Variants in PSMA8 observed in about 807,000 individuals in gnomAD.
PSMA8 encodes the protein proteasome subunit alpha-type 8.
Under a neutral mutation model 32.4 loss-of-function variants are expected in PSMA8, and 18 were observed. The ratio of observed to expected loss-of-function variants is 0.56; its 90% CI spans 0.38 to 0.82. PSMA8 has a LOEUF of 0.82. Among genes scored for constraint, PSMA8 ranks in the 40% least tolerant of loss-of-function variants. The pLI is 0.00. For missense variants in PSMA8, 298 were observed against 300.7 expected, an observed-to-expected ratio of 0.99 and a Z score of 0.07; for synonymous variants, 104 against 98.1, an observed-to-expected ratio of 1.06 and a Z score of -0.36.
chr18:26,167,721 C>T (rs1444868202), intron 4 of PSMA8, among the ~76,000 whole-genome samples: 39 of 152,170 alleles, frequency 2.6e-4, no homozygotes, highest in Admixed American at 2.6e-3. Context: ...AGAAAGCAGC[C>T]ATCTGCAAGC....
intron 1 of PSMA8, among the ~76,000 whole-genome samples, chr18:26,138,145 GTGGCTAC>G (rs1226198010): frequency 1.3e-5 from 2 of 152,180 alleles, no homozygotes; most frequent in African/African-American, 2.4e-5. Flanking sequence ...GTGTTTTGAT[GTGGCTAC>G]TGTCAGTCTC....
At chr18:26,156,124 G>A (rs1297027981) in intron 3 of PSMA8, among the ~76,000 whole-genome samples, 1 of 152,102 alleles carries the variant, frequency 6.6e-6, no homozygotes, top group Admixed American at 6.6e-5. Flanking sequence ...CCTCAGAATG[G>A]CTATTATCAA....
intron 2 of PSMA8, among the ~76,000 whole-genome samples, chr18:26,149,752 C>G (rs2055030653): frequency 6.6e-6 from 1 of 152,100 alleles, no homozygotes; most frequent in African/African-American, 2.4e-5. Flanking sequence ...TGAAGTAGGA[C>G]TCTACCTAAC....
chr18:26,186,910 A>G (rs1013814934), intron 6 of PSMA8, among the ~76,000 whole-genome samples: 1 of 152,270 alleles, frequency 6.6e-6, no homozygotes, highest in Non-Finnish European at 1.5e-5. Context: ...AGAGGTAAAC[A>G]TTTGGATTAA....
chr18:26,186,082 TAC>T (rs1230762391), intron 6 of PSMA8, among the ~76,000 whole-genome samples: 37 of 145,714 alleles, frequency 2.5e-4, no homozygotes, highest in African/African-American at 8.4e-4. Context: ...CTACTAAAAA[TAC>T]ACACACAAAA....
chr18:26,141,716 T>G (rs1212165009), intron 1 of PSMA8, among the ~76,000 whole-genome samples: 1 of 145,252 alleles, frequency 6.9e-6, no homozygotes, highest in African/African-American at 2.5e-5. Context: ...CTTTTTTCTT[T>G]TTTTTTTTTT....
Position 26,158,036 on chromosome 18 carries a change from G to A in PSMA8, c.355-86G>A, listed in dbSNP as rs144591103. Reference sequence around the variant, plus strand: ...ATGTCGAATAAGAATTAGGGAAGTGGATCATTTGGGCAGCAATGCTTTATT... The same window carrying A: ...ATGTCGAATAAGAATTAGGGAAGTGAATCATTTGGGCAGCAATGCTTTATT... On this transcript the variant is annotated intron_variant, in intron 3 of 6. Transcript: ENST00000415576. 554 of 852,818 alleles carry A rather than the reference G, an allele frequency of 6.5e-4. 3 individuals carry two copies. In the African/African-American group the frequency reaches 8.6e-3, roughly 13 times the overall value. 52.8% of individuals were successfully genotyped at this position (852,818 alleles called of 1,614,324 possible).
At chr18:26,151,089 T>G (rs2055042025) in intron 2 of PSMA8, among the ~76,000 whole-genome samples, 1 of 152,222 alleles carries the variant, frequency 6.6e-6, no homozygotes, top group Non-Finnish European at 1.5e-5. Flanking sequence ...TCATATTAAC[T>G]ATCTTCAGGG....
At position 26,165,532 on chromosome 18, in the gene PSMA8, G is replaced by A. The variant is rs76430930; in HGVS notation, c.477+7288G>A. 3.3e-3 allele frequency among the ~76,000 whole-genome samples: 496 copies of A among 152,178 alleles called. 4 individuals are homozygous for A. The highest frequency in any genetic ancestry group is 0.01 in the African/African-American group (435 of 41,514). On this transcript the variant is annotated intron_variant, in intron 4 of 6. Transcript: ENST00000415576. ...TGGCTATAAACAGGAGCAGACAAAC[G>A]AACAGTAGCTAGAGGAGAATATAGG...
At chr18:26,159,595 A>T (rs958391896) in intron 4 of PSMA8, among the ~76,000 whole-genome samples, 1 of 151,854 alleles carries the variant, frequency 6.6e-6, no homozygotes, top group Non-Finnish European at 1.5e-5. Context: ...TTGTTTCTAT[A>T]TCGTAACACA....
At chr18:26,170,898 C>A in intron 4 of PSMA8, 1 of 1,559,234 alleles carries the variant, frequency 6.4e-7, no homozygotes, top group Non-Finnish European at 8.5e-7. Context: ...TTTAAGATGG[C>A]CTGGGTGATT....
intron 1 of PSMA8, among the ~76,000 whole-genome samples, chr18:26,141,961 C>T (rs2054961086): frequency 6.6e-6 from 1 of 151,696 alleles, no homozygotes; most frequent in South Asian, 2.1e-4. Flanking sequence ...GCTGGGATTA[C>T]AGGCATGAGC....
At chr18:26,189,464 T>C (rs1225891496) in intron 6 of PSMA8, among the ~76,000 whole-genome samples, 1 of 151,312 alleles carries the variant, frequency 6.6e-6, no homozygotes, top group Non-Finnish European at 1.5e-5. Flanking sequence ...ACCTGGGAGG[T>C]CAAGGCTGCA....
At chr18:26,167,727 C>T (rs9957118) in intron 4 of PSMA8, among the ~76,000 whole-genome samples, 8,528 of 152,208 alleles carry the variant, frequency 0.056, 707 homozygotes, top group African/African-American at 0.18. Context: ...CAGCCATCTG[C>T]AAGCCAGGAA....
chr18:26,184,417 T>C (rs2055336196), intron 6 of PSMA8, among the ~76,000 whole-genome samples: 1 of 150,586 alleles, frequency 6.6e-6, no homozygotes, highest in South Asian at 2.1e-4. Flanking sequence ...TTGTCAGTAG[T>C]AATACTAAGC....
At position 26,179,211 on chromosome 18, in the gene PSMA8, C is replaced by A. The variant is rs747333158; in HGVS notation, c.660+81C>A. 3 of 996,806 alleles carry A rather than the reference C, an allele frequency of 3.0e-6. No homozygotes were observed. The Admixed American group carries it at 6.2e-5, about 21-fold the overall frequency. 61.7% of individuals were successfully genotyped at this position (996,806 alleles called of 1,614,324 possible). A position where few individuals can be genotyped will look rare whatever the true frequency, so the allele number is the denominator to read the frequency against. On this transcript the variant is annotated intron_variant, in intron 6 of 6. Coordinates refer to ENST00000415576, the MANE Select transcript of PSMA8 (RefSeq NM_001025096.2). ...AGTTAAAAAGTTGTTGGCCTCTAGG[C>A]TTCCGATATAATGTTATCCTTCATT...
At chr18:26,139,706 C>T (rs2054939493) in intron 1 of PSMA8, among the ~76,000 whole-genome samples, 2 of 152,054 alleles carry the variant, frequency 1.3e-5, no homozygotes, top group African/African-American at 4.8e-5. Context: ...CCTTGAGGAA[C>T]CTTAATGACC....
intron 3 of PSMA8, 140 bp from the exon 4 acceptor site, chr18:26,157,982 G>A (rs1284200254): frequency 5.0e-6 from 3 of 600,646 alleles, no homozygotes; most frequent in Non-Finnish European, 2.8e-6. Flanking sequence ...GATTGCTCCA[G>A]AAAGGGTTAG....
intron 1 of PSMA8, among the ~76,000 whole-genome samples, chr18:26,134,957 GA>G (rs71169817): frequency 0.14 from 20,169 of 141,014 alleles, 1,578 homozygotes; most frequent in East Asian, 0.24. Context: ...TCCGTCTCGG[GA>G]AAAAAAAAAA....
Sources: allele counts gnomAD v4.1 joint callset (sites outside exome capture counted in the v4.1 genomes callset), GRCh38; gene constraint gnomAD v4.1.1; transcripts MANE v1.5; gene names NCBI Gene and HGNC (gene_info 2026-07-23, HGNC 2026-07-21).